The following STK32B variants were observed in gnomAD, a reference collection of about 807,000 sequenced individuals.
STK32B encodes the protein serine/threonine kinase 32B.
A neutral mutation model predicts 52.6 loss-of-function variants in STK32B; 43 were observed. That is an observed-to-expected ratio of 0.82 (90% confidence interval 0.64 to 1.05). The LOEUF is 1.05. Among genes scored for constraint, STK32B ranks in the 50% least tolerant of loss-of-function variants. STK32B has a pLI of 0.00. For synonymous variants in STK32B, 238 were observed against 204.3 expected (o/e 1.17, Z -1.41); for missense variants, 621 against 534.6 (o/e 1.16, Z -1.59).
intron 3 of STK32B, among the ~76,000 whole-genome samples, chr4:5,313,703 A>G (rs1730468594): frequency 1.3e-5 from 2 of 152,176 alleles, no homozygotes; most frequent in African/African-American, 4.8e-5. Context: ...GGTCTACAAC[A>G]TTCGTGCATA....
chr4:5,132,949 C>T (rs767086149), intron 1 of STK32B, among the ~76,000 whole-genome samples: 1 of 152,140 alleles, frequency 6.6e-6, no homozygotes, highest in Non-Finnish European at 1.5e-5. Flanking sequence ...CAGGCATGCA[C>T]CACCACTCCT....
intron 1 of STK32B, among the ~76,000 whole-genome samples, chr4:5,115,645 G>A (rs977257112): frequency 9.3e-5 from 14 of 151,254 alleles, no homozygotes; most frequent in African/African-American, 3.4e-4. Context: ...AGAAGCTCCT[G>A]ACCCCAGCCC....
chr4:5,079,794 G>GA (rs1712302023), intron 1 of STK32B, among the ~76,000 whole-genome samples: 1 of 151,966 alleles, frequency 6.6e-6, no homozygotes, highest in East Asian at 1.9e-4. Flanking sequence ...CAGTAGTCTG[G>GA]ACTATTGCCA....
intron 11 of STK32B, among the ~76,000 whole-genome samples, chr4:5,492,823 G>T (rs868266613): frequency 6.6e-6 from 1 of 150,828 alleles, no homozygotes; most frequent in Non-Finnish European, 1.5e-5. Flanking sequence ...TTCTGCATCT[G>T]TTGAGATAAT....
rs1491555209 is a variant in STK32B at position 5,453,225 on chromosome 4, G to GAGAC, written c.667-3579_667-3578insCAGA. ...AGGAGAGAGAATTACAGAGATTAGG[G>GAGAC]AGAGAGAGAGAGAGAGAGAGTAGCT... On this transcript the variant is annotated intron_variant, in intron 7 of 11. Transcript: ENST00000282908. This position sits in a 1 kb window ranked among gnomAD's most constrained non-coding sequence, Gnocchi z 4.0. Among the ~76,000 whole-genome samples, 2 of 38,388 alleles carry GAGAC rather than the reference G, an allele frequency of 5.2e-5. No individual in the cohort carries two copies. The highest frequency in any genetic ancestry group is 1.5e-4 in the African/African-American group (2 of 13,076). 25.2% of individuals were successfully genotyped at this position (38,388 alleles called of 152,430 possible).
At chr4:5,234,146 G>T (rs1293562907) in intron 3 of STK32B, among the ~76,000 whole-genome samples, 1 of 152,182 alleles carries the variant, frequency 6.6e-6, no homozygotes, top group Non-Finnish European at 1.5e-5. Flanking sequence ...TCATACTTCA[G>T]TAGGAAATGA....
intron 3 of STK32B, among the ~76,000 whole-genome samples, chr4:5,240,935 A>G (rs4688925): frequency 0.051 from 7,785 of 152,200 alleles, 424 homozygotes; most frequent in Admixed American, 0.18. Context: ...ATAACTCACC[A>G]TCTTACTAAT....
chr4:5,339,670 C>A (rs1330082089), intron 4 of STK32B, among the ~76,000 whole-genome samples: 1 of 152,066 alleles, frequency 6.6e-6, no homozygotes, highest in African/African-American at 2.4e-5. Flanking sequence ...CAAATGCAAG[C>A]CTGGGTTGGA....
chr4:5,207,948 G>A (rs1722674734), intron 3 of STK32B, among the ~76,000 whole-genome samples: 1 of 152,026 alleles, frequency 6.6e-6, no homozygotes, highest in East Asian at 1.9e-4. Context: ...ATTCACAAAG[G>A]AAACATTTTC....
rs1055857767 is a variant in STK32B, at chr4:5,401,077, T to C, written c.472+2833T>C. 7.9e-5 allele frequency among the ~76,000 whole-genome samples: 12 copies of C among 152,168 alleles called. No homozygotes were observed. The South Asian group carries it at 8.3e-4, about 10-fold the overall frequency. Reference sequence around the variant, plus strand: ...GGTGGTAGAGACAGTGGGGCAGAACTGCAGAAACAAGAGGGGAATGGCTGT... The same window carrying C: ...GGTGGTAGAGACAGTGGGGCAGAACCGCAGAAACAAGAGGGGAATGGCTGT... On this transcript the variant is annotated intron_variant, in intron 5 of 11. Transcript: ENST00000282908.
At chr4:5,195,184 C>T (rs1340771075) in intron 3 of STK32B, among the ~76,000 whole-genome samples, 1 of 152,160 alleles carries the variant, frequency 6.6e-6, no homozygotes, top group African/African-American at 2.4e-5. Flanking sequence ...AAGCAGTCCT[C>T]CGGCCTCAGA....
intron 3 of STK32B, among the ~76,000 whole-genome samples, chr4:5,200,091 C>A (rs1050576121): frequency 6.6e-6 from 1 of 152,144 alleles, no homozygotes; most frequent in Non-Finnish European, 1.5e-5. Flanking sequence ...CTCAGACAAT[C>A]TGTTAAGTCT....
chr4:5,489,972 G>T (rs554764725), intron 11 of STK32B, among the ~76,000 whole-genome samples: 1 of 152,138 alleles, frequency 6.6e-6, no homozygotes, highest in East Asian at 1.9e-4. Flanking sequence ...TGAAGATCTT[G>T]TAGTTTTTAT....
chr4:5,129,223 C>T (rs1434429163), intron 1 of STK32B, among the ~76,000 whole-genome samples: 1 of 152,172 alleles, frequency 6.6e-6, no homozygotes, highest in African/African-American at 2.4e-5. Flanking sequence ...AAAGGAGAGA[C>T]ATTCATTTTA....
At chr4:5,083,900 TA>T (rs1424347924) in intron 1 of STK32B, among the ~76,000 whole-genome samples, 2 of 152,134 alleles carry the variant, frequency 1.3e-5, no homozygotes, top group Admixed American at 6.5e-5. Flanking sequence ...CACATCTGGC[TA>T]ATTTTTGTAT....
At chr4:5,454,429 C>G (rs534410890) in intron 7 of STK32B, among the ~76,000 whole-genome samples, 2 of 152,178 alleles carry the variant, frequency 1.3e-5, no homozygotes, top group South Asian at 2.1e-4. Flanking sequence ...TTCACATCGT[C>G]TTTCCTCTAT....
At chr4:5,127,301 A>C (rs1425387573) in intron 1 of STK32B, among the ~76,000 whole-genome samples, 5 of 152,202 alleles carry the variant, frequency 3.3e-5, no homozygotes, top group Admixed American at 2.6e-4. Flanking sequence ...CTGGGACAAA[A>C]TCTTTCCTGG....
Position 5,213,431 on chromosome 4 carries a change from G to T in STK32B, c.260+44981G>T, listed in dbSNP as rs912162190. Among the ~76,000 whole-genome samples, 6 of 152,186 alleles carry T rather than the reference G, an allele frequency of 3.9e-5. No individual in the cohort carries two copies. In the East Asian group the frequency reaches 1.2e-3, roughly 29 times the overall value. ...CAGAATGAAATCCAGATTCCTTTCT[G>T]TTGGGATTGGAGCCTAATAACTAAA... On this transcript the variant is annotated intron_variant, in intron 3 of 11. Transcript: ENST00000282908.
At chr4:5,331,788 C>T (rs1399037207) in intron 4 of STK32B, among the ~76,000 whole-genome samples, 2 of 152,092 alleles carry the variant, frequency 1.3e-5, no homozygotes, top group Non-Finnish European at 2.9e-5. Flanking sequence ...TGCTGTGCAT[C>T]GTGGAGGATT....
Sources: gnomAD v4.1 joint callset for allele counts (sites outside exome capture counted in the v4.1 genomes callset) on GRCh38, gnomAD v4.1.1 for gene constraint, Gnocchi (gnomAD v3.1) non-coding constraint, MANE v1.5 for transcripts, NCBI Gene and HGNC (gene_info 2026-07-23, HGNC 2026-07-21) for gene names.